Variants in ZC2HC1B observed in about 807,000 individuals in gnomAD.
ZC2HC1B encodes the protein zinc finger C2HC domain-containing protein 1B.
Under a neutral mutation model 31.0 loss-of-function variants are expected in ZC2HC1B, and 36 were observed. The ratio of observed to expected loss-of-function variants is 1.16; its 90% CI spans 0.89 to 1.54. The LOEUF is 1.54. Among genes scored for constraint, ZC2HC1B ranks in the 40% most tolerant of loss-of-function variants. ZC2HC1B has a pLI of 0.00. For synonymous variants in ZC2HC1B, 73 were observed against 88.0 expected (o/e 0.83, Z 0.95); for missense variants, 260 against 268.6 (o/e 0.97, Z 0.22).
intron 6 of ZC2HC1B, among the ~76,000 whole-genome samples, chr6:143,909,372 G>A (rs541626314): frequency 2.0e-5 from 3 of 152,088 alleles, no homozygotes; most frequent in African/African-American, 7.2e-5. Context: ...ACTCCAGCCT[G>A]GGTGACAGAG....
rs1298253433 is a variant in ZC2HC1B at position 143,918,156 on chromosome 6, T to A, written c.598+15004T>A. On this transcript the variant is annotated intron_variant, in intron 6 of 7. Transcript: ENST00000237275. This position sits in a 1 kb window ranked among gnomAD's most constrained non-coding sequence, Gnocchi z 4.1. ...CAGCTTTTGTTTATCTGGGAATGTC[T>A]TAATTTCTTCTTCGCCTTTTTTTGG... Among the ~76,000 whole-genome samples, 1 of 152,100 alleles carries A rather than the reference T, an allele frequency of 6.6e-6. No homozygotes were observed. Among genetic ancestry groups the A allele is most frequent in the African/African-American group, 2.4e-5 (1 of 41,450 alleles).
chr6:143,935,140 T>TGGTGGTGGGCAG (rs1554242428), intron 6 of ZC2HC1B, among the ~76,000 whole-genome samples: 2 of 151,130 alleles, frequency 1.3e-5, no homozygotes, highest in Non-Finnish European at 3.0e-5. Context: ...ATGCTGGTGG[T>TGGTGGTGGGCAG]GGTGGGTCAA....
At chr6:143,896,935 A>G (rs1562341604) in intron 4 of ZC2HC1B, among the ~76,000 whole-genome samples, 1 of 152,086 alleles carries the variant, frequency 6.6e-6, no homozygotes, top group Non-Finnish European at 1.5e-5. Flanking sequence ...GAGACATTGC[A>G]TCCCCAGGTG....
intron 4 of ZC2HC1B, among the ~76,000 whole-genome samples, chr6:143,891,269 A>G (rs1777600342): frequency 6.6e-6 from 1 of 152,208 alleles, no homozygotes; most frequent in Admixed American, 6.5e-5. Flanking sequence ...AAAGAGGACC[A>G]GAATAAATGA....
intron 6 of ZC2HC1B, among the ~76,000 whole-genome samples, chr6:143,928,824 G>GTTTTTTT (rs59359194): frequency 7.0e-6 from 1 of 142,310 alleles, no homozygotes; most frequent in Non-Finnish European, 1.5e-5. Flanking sequence ...TATTCCTAGG[G>GTTTTTTT]TTTTTTTTTT....
intron 6 of ZC2HC1B, among the ~76,000 whole-genome samples, chr6:143,919,217 C>CTG (rs71024878): frequency 0.061 from 7,553 of 123,492 alleles, 216 homozygotes; most frequent in East Asian, 0.099. Context: ...TTGCTATTCT[C>CTG]TGTGTGTGTG....
intron 6 of ZC2HC1B, among the ~76,000 whole-genome samples, chr6:143,920,150 T>C (rs1777971219): frequency 6.6e-6 from 1 of 152,114 alleles, no homozygotes; most frequent in Non-Finnish European, 1.5e-5. Flanking sequence ...CCAGAGATAA[T>C]ACATATGAGA....
chr6:143,913,934 T>G lies in ZC2HC1B; in HGVS notation c.598+10782T>G, dbSNP rs1777889079. 6.6e-6 allele frequency among the ~76,000 whole-genome samples: 1 copy of G among 152,220 alleles called. No homozygotes were observed. The highest frequency in any genetic ancestry group is 1.5e-5 in the Non-Finnish European group (1 of 68,042). On this transcript the variant is annotated intron_variant, in intron 6 of 7. Coordinates refer to ENST00000237275, the MANE Select transcript of ZC2HC1B (RefSeq NM_001013623.3). The surrounding 1 kb of genome is among the most constrained non-coding windows in gnomAD (Gnocchi z 5.7). Reference sequence around the variant, plus strand: ...TGAAAGCTGTATTCACTTGCCTGTTTTGTTCCTTTCTGTGAGTGCTGTGGA... The same window carrying G: ...TGAAAGCTGTATTCACTTGCCTGTTGTGTTCCTTTCTGTGAGTGCTGTGGA...
At chr6:143,920,401 A>C (rs1422803931) in intron 6 of ZC2HC1B, among the ~76,000 whole-genome samples, 1 of 152,230 alleles carries the variant, frequency 6.6e-6, no homozygotes. Context: ...AAGTAGCAAC[A>C]AGACATAAGA....
At position 143,886,023 on chromosome 6, in the gene ZC2HC1B, G is replaced by T; in HGVS notation, c.91-9G>T. 6.6e-7 allele frequency: 1 copy of T among 1,516,884 alleles called. No individual in the cohort carries two copies. Among genetic ancestry groups the T allele is most frequent in the Non-Finnish European group, 8.8e-7 (1 of 1,134,636 alleles). The allele number at this position is 1,516,884 out of a possible 1,614,324, so 94.0% of individuals were successfully genotyped here. A position where few individuals can be genotyped will look rare whatever the true frequency, so the allele number is the denominator to read the frequency against. ...TTAGAAATTCCAATCCCTACTCTTC[G>T]TTTTCTAGGAAAGGCATGGACCAAT... is the stretch of plus-strand genomic sequence containing the variant. On this transcript the variant is annotated splice_polypyrimidine_tract_variant and intron_variant, in intron 2 of 7. Transcript: ENST00000237275. The surrounding 1 kb of genome is among the most constrained non-coding windows in gnomAD (Gnocchi z 4.2).
chr6:143,887,945 C>G lies in ZC2HC1B; in HGVS notation c.349+1124C>G. On this transcript the variant is annotated intron_variant, in intron 4 of 7. Coordinates refer to ENST00000237275, the MANE Select transcript of ZC2HC1B (RefSeq NM_001013623.3). The surrounding 1 kb of genome is among the most constrained non-coding windows in gnomAD (Gnocchi z 5.1). ...ATGATGTCCAGTGTATCTGTTTTTTCTTTTGTTGCCTGTGCTTTTGATGTC... is the reference window on the plus strand; with the variant it reads ...ATGATGTCCAGTGTATCTGTTTTTTGTTTTGTTGCCTGTGCTTTTGATGTC... Among the ~76,000 whole-genome samples the G allele has an allele frequency of 6.6e-6, 1 of 151,724 alleles. No homozygotes were observed.
At position 143,937,663 on chromosome 6, in the gene ZC2HC1B, C is replaced by A. The variant is rs1244434530; in HGVS notation, c.613C>A (p.Pro205Thr). ...TGTTTGCAAAGGATTAGCTATGGAC[C>A]CTGCTTCTGGAGCAAAACTCAGACA... Reference protein sequence around the residue: ...VPTKSGLAMDPASGAKLRQGF... With the variant: ...VPTKSGLAMDTASGAKLRQGF... Residue 205 changes from proline (P) to threonine (T), a missense_variant, in exon 7 of 8, where the codon CCT becomes ACT. Pro to Thr is a conservative substitution (Grantham distance 38). Transcript: ENST00000237275. 6.4e-7 allele frequency: 1 copy of A among 1,550,480 alleles called. No individual in the cohort carries two copies. The highest frequency in any genetic ancestry group is 2.0e-5 in the Admixed American group (1 of 50,840).
chr6:143,903,701 G>T lies in ZC2HC1B; in HGVS notation c.598+549G>T, dbSNP rs1777762415. Among the ~76,000 whole-genome samples, 2 of 152,042 alleles carry T rather than the reference G, an allele frequency of 1.3e-5. No homozygotes were observed. The highest frequency in any genetic ancestry group is 4.8e-5 in the African/African-American group (2 of 41,396). On this transcript the variant is annotated intron_variant, in intron 6 of 7. Transcript: ENST00000237275. The surrounding 1 kb of genome is among the most constrained non-coding windows in gnomAD (Gnocchi z 4.3). ...GGGGATTGGTCCCAGGGCCCTAGTG[G>T]GTACCAAAACCTGAGATGTTGAAGT...
intron 6 of ZC2HC1B, among the ~76,000 whole-genome samples, chr6:143,937,116 G>A (rs1045755929): frequency 1.3e-5 from 2 of 152,110 alleles, no homozygotes; most frequent in African/African-American, 2.4e-5. Context: ...ATGGTGTGGT[G>A]TGCCCATATC....
At position 143,865,153 on chromosome 6, in the gene ZC2HC1B, A is replaced by G. The variant is rs1011801072; in HGVS notation, c.28+586A>G. Among the ~76,000 whole-genome samples, 8 of 152,348 alleles carry G rather than the reference A, an allele frequency of 5.3e-5. No individual in the cohort carries two copies. Among genetic ancestry groups the G allele is most frequent in the Admixed American group, 1.3e-4 (2 of 15,302 alleles). ...TTTTATTCTGAAGAACAAATTCATG[A>G]TACTTTAAATGAATTTTCTGATATC... On this transcript the variant is annotated intron_variant, in intron 1 of 7. Coordinates refer to ENST00000237275, the MANE Select transcript of ZC2HC1B (RefSeq NM_001013623.3). The surrounding 1 kb of genome is among the most constrained non-coding windows in gnomAD (Gnocchi z 4.4).
chr6:143,914,488 CAT>C (rs1327046635), intron 6 of ZC2HC1B, among the ~76,000 whole-genome samples: 3 of 152,142 alleles, frequency 2.0e-5, no homozygotes, highest in East Asian at 1.9e-4. Context: ...TGTGGCCTAA[CAT>C]GTGGTTCATT....
chr6:143,874,738 C>T (rs546345546), intron 1 of ZC2HC1B, among the ~76,000 whole-genome samples: 1 of 152,202 alleles, frequency 6.6e-6, no homozygotes, highest in South Asian at 2.1e-4. Flanking sequence ...CCCTGGGTCC[C>T]TCCCACAACA....
Position 143,905,347 on chromosome 6 carries a change from A to AT in ZC2HC1B, c.598+2203dup, listed in dbSNP as rs916509083. 6.6e-6 allele frequency among the ~76,000 whole-genome samples: 1 copy of AT among 151,874 alleles called. No homozygotes were observed. The highest frequency in any genetic ancestry group is 1.5e-5 in the Non-Finnish European group (1 of 67,934). ...TATTGTAAATGTAGTTGTCTTCATA[A>AT]TTTTTTTTGATTGTTCATTGTCAGT... is the stretch of plus-strand genomic sequence containing the variant. On this transcript the variant is annotated intron_variant, in intron 6 of 7. Transcript: ENST00000237275. This position sits in a 1 kb window ranked among gnomAD's most constrained non-coding sequence, Gnocchi z 4.2.
chr6:143,903,105 T>G lies in ZC2HC1B; in HGVS notation c.551T>G (p.Leu184Arg). 6.4e-7 allele frequency: 1 copy of G among 1,552,102 alleles called. No individual in the cohort carries two copies. The highest frequency in any genetic ancestry group is 2.4e-5 in the East Asian group (1 of 40,930). Residue 184 changes from leucine to arginine, a missense_variant, in exon 6 of 8, where the codon CTG (leucine) becomes CGG (arginine). By Grantham distance (102) the Leu-to-Arg change is moderately radical. Transcript: ENST00000237275. This position sits in a 1 kb window ranked among gnomAD's most constrained non-coding sequence, Gnocchi z 4.3. ...GTTACCAGTGCTGTGGGAGCTTTGC[T>G]GCAGAACAGGGTCCTGGTGGCCACG... The part of the protein sequence containing the change: ...PTVTSAVGAL[L>R]QNRVLVATNE...
Sources: gnomAD v4.1 joint callset for allele counts (sites outside exome capture counted in the v4.1 genomes callset) on GRCh38, gnomAD v4.1.1 for gene constraint, Gnocchi (gnomAD v3.1) non-coding constraint, MANE v1.5 for transcripts, NCBI Gene and HGNC (gene_info 2026-07-23, HGNC 2026-07-21) for gene names.